Variants in PCGF6 observed in about 807,000 individuals in gnomAD.
PCGF6 encodes polycomb group ring finger 6, also known as polycomb group RING finger protein 6.
In PCGF6, 24 loss-of-function variants were observed where a neutral mutation model predicts 45.5. The ratio of observed to expected loss-of-function variants is 0.53; its 90% CI spans 0.38 to 0.74. The LOEUF (loss-of-function observed/expected upper bound fraction) is 0.74. PCGF6 is among the 30% of genes least tolerant of loss of function. PCGF6 has a pLI of 0.00. For synonymous variants in PCGF6, 152 were observed against 162.1 expected (o/e 0.94, Z 0.47); for missense variants, 356 against 443.2 (o/e 0.80, Z 1.77).
intron 7 of PCGF6, among the ~76,000 whole-genome samples, chr10:103,329,255 G>T (rs1393559821): frequency 2.7e-5 from 4 of 148,302 alleles, no homozygotes; most frequent in African/African-American, 1.0e-4. Context: ...GGTCAGGCTG[G>T]TCTCAAACTC....
intron 8 of PCGF6, among the ~76,000 whole-genome samples, chr10:103,316,070 C>A (rs1389085518): frequency 6.6e-6 from 1 of 150,432 alleles, no homozygotes; most frequent in Non-Finnish European, 1.5e-5. Context: ...GCTCCATCTC[C>A]TAACATTACT....
At chr10:103,308,462 G>A (rs147124747) in intron 9 of PCGF6, among the ~76,000 whole-genome samples, 1,752 of 151,464 alleles carry the variant, frequency 0.012, 19 homozygotes, top group South Asian at 0.031. Flanking sequence ...GCAGTGGTGT[G>A]ATCTCTGCTC....
intron 9 of PCGF6, among the ~76,000 whole-genome samples, chr10:103,309,393 G>A (rs1293874523): frequency 2.6e-5 from 4 of 152,152 alleles, no homozygotes; most frequent in African/African-American, 9.7e-5. Context: ...AAGGTCTTGT[G>A]TGATATGGTT....
At chr10:103,305,531 A>AG (rs1388800739) in intron 9 of PCGF6, among the ~76,000 whole-genome samples, 2 of 152,042 alleles carry the variant, frequency 1.3e-5, no homozygotes, top group African/African-American at 2.4e-5. Context: ...TCAGCCTTCC[A>AG]AAGTGCTGGG....
chr10:103,305,897 T>TA (rs951962252), intron 9 of PCGF6, among the ~76,000 whole-genome samples: 1,517 of 137,006 alleles, frequency 0.011, 7 homozygotes, highest in Non-Finnish European at 0.012. Context: ...TTATATAATT[T>TA]AAAAAAAAAA....
intron 6 of PCGF6, among the ~76,000 whole-genome samples, chr10:103,343,762 G>A (rs924433491): frequency 7.3e-6 from 1 of 137,812 alleles, no homozygotes; most frequent in Non-Finnish European, 1.5e-5. Context: ...GAACCTGGGA[G>A]GCAGCAGTTG....
intron 6 of PCGF6, among the ~76,000 whole-genome samples, chr10:103,335,356 C>CA (rs1342244562): frequency 1.3e-5 from 2 of 150,928 alleles, no homozygotes; most frequent in Non-Finnish European, 3.0e-5. Context: ...ACCCAGACTC[C>CA]AAAGCACTCA....
intron 3 of PCGF6, 64 bp downstream of exon 3, chr10:103,348,652 A>T (rs2093308478): frequency 8.1e-7 from 1 of 1,227,918 alleles, no homozygotes; most frequent in African/African-American, 1.5e-5. Context: ...TTCCAACTAT[A>T]TAACTTCAAG....
chr10:103,309,969 G>C (rs1273196475), intron 9 of PCGF6, among the ~76,000 whole-genome samples: 3 of 125,814 alleles, frequency 2.4e-5, no homozygotes, highest in African/African-American at 8.8e-5. Flanking sequence ...TTTTTTTTTT[G>C]AGACAGAGTT....
chr10:103,342,093 C>A (rs2093282881), intron 6 of PCGF6, among the ~76,000 whole-genome samples: 1 of 151,856 alleles, frequency 6.6e-6, no homozygotes, highest in Admixed American at 6.6e-5. Context: ...TGCCACCACA[C>A]CTAGCTAATT....
At chr10:103,313,622 A>G (rs1266313989) in intron 9 of PCGF6, among the ~76,000 whole-genome samples, 1 of 152,156 alleles carries the variant, frequency 6.6e-6, no homozygotes, top group Non-Finnish European at 1.5e-5. Context: ...TGATAGAAAA[A>G]AAAAAATCTC....
Position 103,302,886 on chromosome 10 carries a change from T to G in PCGF6, c.*1019A>C, listed in dbSNP as rs892041348. The stretch of plus-strand genomic sequence containing the variant: ...AAGAATTGCCAATCTTTTTCCAATT[T>G]TGTAGTAGTCTCTACACATTCAGAA... On this transcript the variant is annotated 3_prime_UTR_variant, in exon 10 of 10. Coordinates refer to ENST00000369847, the MANE Select transcript of PCGF6 (RefSeq NM_001011663.2). 9 of 152,256 alleles carry G rather than the reference T, an allele frequency of 5.9e-5. No individual in the cohort carries two copies. Among genetic ancestry groups the G allele is most frequent in the African/African-American group, 2.2e-4 (9 of 41,450 alleles). The allele number at this position is 152,256 out of a possible 1,614,324, so 9.4% of individuals were successfully genotyped here.
At chr10:103,309,954 C>CTT (rs775316303) in intron 9 of PCGF6, among the ~76,000 whole-genome samples, 14,907 of 141,400 alleles carry the variant, frequency 0.11, 763 homozygotes, top group Middle Eastern at 0.16. Context: ...CCTTGTCTTT[C>CTT]TTTTTTTTTT....
chr10:103,337,760 T>C (rs1386375140), intron 6 of PCGF6, among the ~76,000 whole-genome samples: 2 of 145,448 alleles, frequency 1.4e-5, no homozygotes, highest in Non-Finnish European at 3.0e-5. Flanking sequence ...AAACCCTGTG[T>C]CTACTAAAAA....
At chr10:103,331,941 C>T (rs1211384500) in intron 7 of PCGF6, among the ~76,000 whole-genome samples, 7 of 152,122 alleles carry the variant, frequency 4.6e-5, no homozygotes, top group Non-Finnish European at 7.4e-5. Context: ...AACAGGCACG[C>T]GCCACCGCGC....
intron 6 of PCGF6, among the ~76,000 whole-genome samples, chr10:103,342,967 C>T (rs372270368): frequency 7.2e-5 from 11 of 151,988 alleles, no homozygotes; most frequent in Admixed American, 2.0e-4. Context: ...GAGTCTCTGC[C>T]GCCCAGGCTG....
intron 7 of PCGF6, among the ~76,000 whole-genome samples, chr10:103,333,717 A>G (rs1163184928): frequency 1.3e-5 from 2 of 152,164 alleles, no homozygotes; most frequent in Non-Finnish European, 2.9e-5. Context: ...TTTAGTTTTA[A>G]AAAGTATTCA....
intron 8 of PCGF6, among the ~76,000 whole-genome samples, chr10:103,317,257 C>CA (rs2093179439): frequency 6.6e-6 from 1 of 152,102 alleles, no homozygotes; most frequent in African/African-American, 2.4e-5. Context: ...GTGATCCGCC[C>CA]ACCTCAGGCT....
At chr10:103,322,297 C>T (rs1449743977) in intron 8 of PCGF6, among the ~76,000 whole-genome samples, 1 of 151,958 alleles carries the variant, frequency 6.6e-6, no homozygotes, top group Non-Finnish European at 1.5e-5. Context: ...ATCTCCCAGG[C>T]TCAACCCACC....
Sources: gnomAD v4.1 joint callset for allele counts (sites outside exome capture counted in the v4.1 genomes callset) on GRCh38, gnomAD v4.1.1 for gene constraint, MANE v1.5 for transcripts, NCBI Gene and HGNC (gene_info 2026-07-23, HGNC 2026-07-21) for gene names.